IL1RAPL2: variants seen among roughly 807,000 people sequenced by gnomAD.
IL1RAPL2 encodes X-linked interleukin-1 receptor accessory protein-like 2.
A neutral mutation model predicts 44.1 loss-of-function variants in IL1RAPL2; 3 were observed. The observed-to-expected ratio is 0.07, with a 90% CI of 0.03 to 0.18. The LOEUF (loss-of-function observed/expected upper bound fraction) is 0.18. IL1RAPL2 is among the 10% of genes least tolerant of loss of function. The pLI is 1.00. For synonymous variants in IL1RAPL2, 181 were observed against 178.8 expected (o/e 1.01, Z -0.10); for missense variants, 391 against 496.4 (o/e 0.79, Z 2.02).
At chrX:104,904,122 G>C (rs1157194465) in intron 2 of IL1RAPL2, among the ~76,000 whole-genome samples, 1 of 109,618 alleles carries the variant, frequency 9.1e-6, no homozygotes, top group Non-Finnish European at 1.9e-5. Context: ...CTCCTTATTT[G>C]TATATTGTAG....
chrX:104,624,305 A>G (rs1929456045), intron 1 of IL1RAPL2, among the ~76,000 whole-genome samples: 1 of 111,303 alleles, frequency 9.0e-6, no homozygotes, highest in Non-Finnish European at 1.9e-5. Flanking sequence ...TTTTACCATT[A>G]AAATATTTAC....
rs752043896 is a variant in IL1RAPL2 at position 105,735,904 on chromosome X, C to G, written c.903-4642C>G. Among the ~76,000 whole-genome samples, 269 of 111,287 alleles carry G rather than the reference C, an allele frequency of 2.4e-3. 1 individual carries two copies. The highest frequency in any genetic ancestry group is 2.5e-3 in the Non-Finnish European group (131 of 52,960). On this transcript the variant is annotated intron_variant, in intron 7 of 10. Coordinates refer to ENST00000372582, the MANE Select transcript of IL1RAPL2 (RefSeq NM_017416.2). ...AACTATTTAAAAATGTATATGGAATCAAAAAAGAGCCCGAATAGCCAAGGC... is the reference window on the plus strand; with the variant it reads ...AACTATTTAAAAATGTATATGGAATGAAAAAAGAGCCCGAATAGCCAAGGC...
At chrX:104,590,020 A>G (rs776438428) in intron 1 of IL1RAPL2, among the ~76,000 whole-genome samples, 7 of 111,514 alleles carry the variant, frequency 6.3e-5, no homozygotes. Context: ...TCTACCATCC[A>G]TAGTAGCCTA....
chrX:105,312,421 G>T (rs1361273963), intron 5 of IL1RAPL2, among the ~76,000 whole-genome samples: 2 of 111,234 alleles, frequency 1.8e-5, no homozygotes, highest in Non-Finnish European at 3.8e-5. Flanking sequence ...ATGGAAACAG[G>T]CCTTTAATTT....
chrX:104,893,464 G>T (rs993487861), intron 2 of IL1RAPL2, among the ~76,000 whole-genome samples: 2 of 111,257 alleles, frequency 1.8e-5, no homozygotes, highest in Admixed American at 1.9e-4. Flanking sequence ...TATGAATCTG[G>T]GTGCTCCTGT....
chrX:104,634,049 G>T (rs1356608256), intron 1 of IL1RAPL2, among the ~76,000 whole-genome samples: 2 of 110,845 alleles, frequency 1.8e-5, no homozygotes, highest in Admixed American at 1.9e-4. Flanking sequence ...TTGTGTCTTT[G>T]TTCTCGTTGG....
chrX:105,345,696 C>T (rs1191899004), intron 5 of IL1RAPL2, among the ~76,000 whole-genome samples: 1 of 111,375 alleles, frequency 9.0e-6, no homozygotes, highest in Non-Finnish European at 1.9e-5. Context: ...TGTTGTTCCT[C>T]GTTCCTCCAG....
chrX:104,682,852 T>C (rs1449237048), intron 2 of IL1RAPL2, among the ~76,000 whole-genome samples: 1 of 112,028 alleles, frequency 8.9e-6, no homozygotes, highest in African/African-American at 3.2e-5. Context: ...GATTTTTCTA[T>C]AAACATATAT....
intron 2 of IL1RAPL2, among the ~76,000 whole-genome samples, chrX:105,088,794 AT>A (rs1160513166): frequency 9.0e-6 from 1 of 111,351 alleles, no homozygotes; most frequent in African/African-American, 3.3e-5. Flanking sequence ...GTTAAATTTT[AT>A]TGCTAATCTT....
At chrX:104,956,969 C>T (rs775254085) in intron 2 of IL1RAPL2, among the ~76,000 whole-genome samples, 23 of 112,088 alleles carry the variant, frequency 2.1e-4, no homozygotes, top group Non-Finnish European at 3.2e-4. Context: ...TCCTATGCTG[C>T]TGGATAGTTG....
At chrX:105,104,343 T>G (rs2032710153) in intron 2 of IL1RAPL2, among the ~76,000 whole-genome samples, 1 of 111,594 alleles carries the variant, frequency 9.0e-6, no homozygotes, top group Non-Finnish European at 1.9e-5. Flanking sequence ...GGTGGAGAGT[T>G]ATTTTGTTAT....
chrX:105,669,709 A>G (rs1602511921), intron 6 of IL1RAPL2, among the ~76,000 whole-genome samples: 1 of 110,604 alleles, frequency 9.0e-6, no homozygotes, highest in African/African-American at 3.3e-5. Context: ...ATAACACAGA[A>G]CAGTTCTATC....
intron 5 of IL1RAPL2, among the ~76,000 whole-genome samples, chrX:105,333,624 G>A (rs778421916): frequency 9.0e-6 from 1 of 111,524 alleles, no homozygotes; most frequent in East Asian, 2.8e-4. Flanking sequence ...ATTTGACAAG[G>A]GGTTAATAAC....
At chrX:105,073,201 C>A (rs1271049861) in intron 2 of IL1RAPL2, among the ~76,000 whole-genome samples, 2 of 62,670 alleles carry the variant, frequency 3.2e-5, no homozygotes, top group Non-Finnish European at 5.8e-5. Flanking sequence ...CCCCTCCCCC[C>A]ACCCCACAAC....
chrX:105,708,232 C>CA (rs2038180805), intron 6 of IL1RAPL2, among the ~76,000 whole-genome samples: 1 of 111,256 alleles, frequency 9.0e-6, no homozygotes, highest in Non-Finnish European at 1.9e-5. Flanking sequence ...AGACAGCCAA[C>CA]AAGACTTATC....
At chrX:105,049,140 T>C (rs1386811223) in intron 2 of IL1RAPL2, among the ~76,000 whole-genome samples, 1 of 108,007 alleles carries the variant, frequency 9.3e-6, no homozygotes, top group Non-Finnish European at 1.9e-5. Context: ...GTCATGAGGG[T>C]AGCATTTCTT....
At chrX:104,722,218 A>G (rs999628585) in intron 2 of IL1RAPL2, among the ~76,000 whole-genome samples, 2 of 111,803 alleles carry the variant, frequency 1.8e-5, no homozygotes, top group African/African-American at 6.5e-5. Flanking sequence ...TGTAGCATGA[A>G]AGCAGCCATG....
chrX:105,298,479 G>A (rs1264121288), intron 5 of IL1RAPL2, among the ~76,000 whole-genome samples: 5 of 111,188 alleles, frequency 4.5e-5, no homozygotes, highest in East Asian at 2.8e-4. Context: ...ATACTAAGAC[G>A]GGGAGAATGA....
At chrX:105,001,083 C>G (rs2030842583) in intron 2 of IL1RAPL2, among the ~76,000 whole-genome samples, 1 of 111,476 alleles carries the variant, frequency 9.0e-6, no homozygotes, top group Admixed American at 9.6e-5. Flanking sequence ...CTGCTTTGTA[C>G]TGAAATTTAA....
Sources: allele counts gnomAD v4.1 joint callset (sites outside exome capture counted in the v4.1 genomes callset), GRCh38; gene constraint gnomAD v4.1.1; transcripts MANE v1.5; gene names NCBI Gene and HGNC (gene_info 2026-07-23, HGNC 2026-07-21).